Variants in AGTRAP observed in about 807,000 individuals in gnomAD.
AGTRAP encodes angiotensin II receptor associated protein, also known as type-1 angiotensin II receptor-associated protein.
In AGTRAP, 7 loss-of-function variants were observed where a neutral mutation model predicts 15.2. The ratio of observed to expected loss-of-function variants is 0.46; its 90% confidence interval spans 0.26 to 0.87. AGTRAP has a LOEUF of 0.87. AGTRAP is among the 40% of genes least tolerant of loss of function. The pLI is 0.15. For missense variants in AGTRAP, 187 were observed against 213.4 expected (o/e 0.88, Z 0.77); for synonymous variants, 74 against 89.6 (o/e 0.83, Z 0.98).
chr1:11,749,134 G>A (rs910448273), intron 4 of AGTRAP, among the ~76,000 whole-genome samples: 2 of 152,260 alleles, frequency 1.3e-5, no homozygotes, highest in African/African-American at 2.4e-5. Flanking sequence ...CCTGCCCACC[G>A]GCCCCTCCCC....
At chr1:11,737,402 C>T (rs2100758818) in intron 1 of AGTRAP, among the ~76,000 whole-genome samples, 1 of 152,340 alleles carries the variant, frequency 6.6e-6, no homozygotes, top group Admixed American at 6.5e-5. Context: ...ACTGCCTTTT[C>T]TCTGATGAGG....
chr1:11,740,718 G>C (rs991366620), intron 1 of AGTRAP, among the ~76,000 whole-genome samples: 1 of 152,194 alleles, frequency 6.6e-6, no homozygotes, highest in Non-Finnish European at 1.5e-5. Flanking sequence ...CCAGGGCTCT[G>C]CAGGGCCCAT....
chr1:11,736,452 G>T (rs938914626), intron 1 of AGTRAP, among the ~76,000 whole-genome samples: 2 of 152,218 alleles, frequency 1.3e-5, no homozygotes, highest in Non-Finnish European at 2.9e-5. Context: ...AGGGGCCGTG[G>T]GAGGTGGCAG....
rs1439560523 is a variant in AGTRAP at position 11,745,555 on chromosome 1, G to A, written c.28-248G>A. On this transcript the variant is annotated intron_variant, in intron 1 of 4. Coordinates refer to ENST00000314340, the MANE Select transcript of AGTRAP (RefSeq NM_020350.5). This position sits in a 1 kb window ranked among gnomAD's most constrained non-coding sequence, Gnocchi z 4.2. ...TACGCCTCTGACGCTTGGAAGGGGT[G>A]TGGGTGTCAGCTGCCCCATGGGAGG... is the stretch of plus-strand genomic sequence containing the variant. Among the ~76,000 whole-genome samples the A allele has an allele frequency of 6.6e-6, 1 of 152,170 alleles. No individual in the cohort carries two copies. The highest frequency in any genetic ancestry group is 1.5e-5 in the Non-Finnish European group (1 of 68,032).
rs17875946 is a variant in AGTRAP, at chr1:11,747,639, C to T, written c.168+94C>T. ...TGCTACCCCGTCCCATCCCAATCTT[C>T]CCCCTCTTCCTTGGGCCACCACTTC... On this transcript the variant is annotated intron_variant, in intron 3 of 4. Transcript: ENST00000314340. The T allele has an allele frequency of 4.4e-3, 5,729 of 1,313,886 alleles. 150 individuals carry two copies. In the African/African-American group the frequency reaches 0.067, roughly 15 times the overall value. 81.4% of individuals were successfully genotyped at this position (1,313,886 alleles called of 1,614,324 possible).
chr1:11,750,291 G>T lies in AGTRAP; in HGVS notation c.*99G>T, dbSNP rs1393729594. 1 of 1,046,698 alleles carries T rather than the reference G, an allele frequency of 9.6e-7. No individual in the cohort carries two copies. The highest frequency in any genetic ancestry group is 2.0e-5 in the Admixed American group (1 of 50,478). The allele number at this position is 1,046,698 out of a possible 1,614,324, so 64.8% of individuals were successfully genotyped here. On this transcript the variant is annotated 3_prime_UTR_variant, in exon 5 of 5. Transcript: ENST00000314340. ...ACCTCCGTCTCTTGGACCTAAGATG[G>T]AATGTGTCCCCAGCTCAGGGATTGC...
intron 1 of AGTRAP, 130 bp downstream of exon 1, chr1:11,736,365 C>A: frequency 4.6e-6 from 6 of 1,296,858 alleles, no homozygotes; most frequent in Non-Finnish European, 4.2e-6. Context: ...AAGGTACAGA[C>A]CCCACGCAAG....
At position 11,750,212 on chromosome 1, in the gene AGTRAP, G is replaced by GGCCCT; in HGVS notation, c.*25_*29dup. ...TACTGAAGCCAGCCACGCTGCGCCC[G>GGCCCT]GCCCTGCCCCGGGCCTTCCTCGTGC... On this transcript the variant is annotated 3_prime_UTR_variant, in exon 5 of 5. Coordinates refer to ENST00000314340, the MANE Select transcript of AGTRAP (RefSeq NM_020350.5). The GGCCCT allele has an allele frequency of 4.4e-6, 7 of 1,599,080 alleles. No homozygotes were observed. The highest frequency in any genetic ancestry group is 6.0e-6 in the Non-Finnish European group (7 of 1,169,438).
At chr1:11,740,460 G>A (rs1171623175) in intron 1 of AGTRAP, among the ~76,000 whole-genome samples, 3 of 152,212 alleles carry the variant, frequency 2.0e-5, no homozygotes, top group Admixed American at 1.3e-4. Context: ...CCAAAGTGAC[G>A]TCACGCAGAG....
chr1:11,747,389 G>A, intron 2 of AGTRAP, 51 bp from the exon 3 acceptor site: 1 of 1,534,882 alleles, frequency 6.5e-7, no homozygotes, highest in Non-Finnish European at 9.0e-7. Flanking sequence ...GGAGGGAGGT[G>A]ACCTGCGGGG....
chr1:11,744,625 C>T, intron 1 of AGTRAP: 2 of 707,588 alleles, frequency 2.8e-6, no homozygotes, highest in South Asian at 3.0e-5. Flanking sequence ...AGAGCAGATT[C>T]CCTGCATTCC....
chr1:11,743,639 C>T (rs4846035), intron 1 of AGTRAP, among the ~76,000 whole-genome samples: 145,025 of 150,128 alleles, frequency 0.97, 70,242 homozygotes, highest in Middle Eastern at 1. Context: ...CGATCTCGGC[C>T]CACTGCAACC....
intron 4 of AGTRAP, among the ~76,000 whole-genome samples, chr1:11,748,932 C>T (rs1299176923): frequency 6.6e-6 from 1 of 152,184 alleles, no homozygotes; most frequent in African/African-American, 2.4e-5. Flanking sequence ...GGGCTGTCTC[C>T]ATCCTGAGGG....
chr1:11,747,871 G>A (rs751029960), intron 3 of AGTRAP, among the ~76,000 whole-genome samples: 7 of 152,164 alleles, frequency 4.6e-5, no homozygotes, highest in Admixed American at 6.5e-5. Flanking sequence ...CTCCCTCTGC[G>A]GCTCTCTTTT....
chr1:11,749,256 TTCTC>T (rs772296523), intron 4 of AGTRAP, among the ~76,000 whole-genome samples: 9 of 152,218 alleles, frequency 5.9e-5, no homozygotes, highest in African/African-American at 1.2e-4. Flanking sequence ...CTCTCTTCCT[TTCTC>T]TCTCTCTTTG....
rs564865499 is a variant in AGTRAP, at chr1:11,744,439, C to T, written c.28-1364C>T. The T allele has an allele frequency of 2.1e-5, 14 of 668,764 alleles. 1 individual carries two copies. Among genetic ancestry groups the T allele is most frequent in the African/African-American group, 1.6e-4 (9 of 55,800 alleles). 41.4% of individuals were successfully genotyped at this position (668,764 alleles called of 1,614,324 possible). A position where few individuals can be genotyped will look rare whatever the true frequency, so the allele number is the denominator to read the frequency against. On this transcript the variant is annotated intron_variant, in intron 1 of 4. Transcript: ENST00000314340. ...TTGGCATGAAGCCCACGCTCCTTCCCGAGGCCCTCAGGCCCCCCTACCTGT... is the reference window on the plus strand; with the variant it reads ...TTGGCATGAAGCCCACGCTCCTTCCTGAGGCCCTCAGGCCCCCCTACCTGT...
chr1:11,742,246 G>A (rs938457854), intron 1 of AGTRAP, among the ~76,000 whole-genome samples: 3 of 152,238 alleles, frequency 2.0e-5, no homozygotes, highest in Non-Finnish European at 4.4e-5. Context: ...TTTCTCATCT[G>A]TGAAATGGGA....
At chr1:11,748,146 T>G (rs929510988) in intron 3 of AGTRAP, among the ~76,000 whole-genome samples, 2 of 152,172 alleles carry the variant, frequency 1.3e-5, no homozygotes, top group African/African-American at 4.8e-5. Context: ...GAGCCAAGTC[T>G]TGTGCCCATC....
At chr1:11,738,206 C>T (rs539011122) in intron 1 of AGTRAP, among the ~76,000 whole-genome samples, 3 of 152,226 alleles carry the variant, frequency 2.0e-5, no homozygotes, top group East Asian at 1.9e-4. Context: ...GGCCTGCACT[C>T]CCTCCCCACT....
Sources: allele counts gnomAD v4.1 joint callset (sites outside exome capture counted in the v4.1 genomes callset), GRCh38; gene constraint gnomAD v4.1.1; non-coding constraint Gnocchi (gnomAD v3.1); transcripts MANE v1.5; gene names NCBI Gene and HGNC (gene_info 2026-07-23, HGNC 2026-07-21).